The following POLN variants were observed in gnomAD, a reference collection of about 807,000 sequenced individuals.
The protein encoded by POLN is DNA polymerase nu, also known as DNA polymerase N.
Under a neutral mutation model 113.5 loss-of-function variants are expected in POLN, and 108 were observed. The observed-to-expected ratio is 0.95, with a 90% CI of 0.81 to 1.12. The LOEUF (loss-of-function observed/expected upper bound fraction) is 1.12, where lower values mean the gene tolerates loss of function less well. POLN is among the 50% of genes most tolerant of loss of function. The pLI is 0.00. For synonymous variants in POLN, 386 were observed against 391.5 expected (o/e 0.99, Z 0.17); for missense variants, 1,097 against 1,077.1 (o/e 1.02, Z -0.26).
chr4:2,080,710 G>T, intron 23 of POLN: 2 of 1,394,064 alleles, frequency 1.4e-6, no homozygotes, highest in East Asian at 5.5e-5. Context: ...CGAGGAGGAG[G>T]GGTCTGGGGG....
chr4:2,072,062 C>T lies in POLN; in HGVS notation c.*52G>A. The stretch of plus-strand genomic sequence containing the variant: ...ACAGAGCTGGTGACCTTGGGGAAGG[C>T]CACACAATGGACTGCTGGAAACCAG... On this transcript the variant is annotated 3_prime_UTR_variant, in exon 26 of 26. Transcript: ENST00000511885. 1.3e-6 allele frequency: 2 copies of T among 1,587,662 alleles called. No individual in the cohort carries two copies. Among genetic ancestry groups the T allele is most frequent in the Non-Finnish European group, 1.7e-6 (2 of 1,156,830 alleles).
At chr4:2,209,723 A>G (rs1378497247) in intron 4 of POLN, among the ~76,000 whole-genome samples, 1 of 130,996 alleles carries the variant, frequency 7.6e-6, no homozygotes, top group Non-Finnish European at 1.5e-5. Context: ...GTGCAGTGGC[A>G]CAATCTCAGC....
chr4:2,237,243 C>T (rs1225104188), intron 2 of POLN, among the ~76,000 whole-genome samples: 2 of 151,298 alleles, frequency 1.3e-5, no homozygotes, highest in Non-Finnish European at 2.9e-5. Flanking sequence ...CCAGACTTGG[C>T]AACATATTGA....
intron 7 of POLN, among the ~76,000 whole-genome samples, chr4:2,190,714 T>A (rs2108755885): frequency 6.6e-6 from 1 of 152,224 alleles, no homozygotes. Flanking sequence ...GGCAAATGAT[T>A]TGAATAGACA....
chr4:2,089,019 C>A, intron 20 of POLN: 1 of 880,296 alleles, frequency 1.1e-6, no homozygotes. Context: ...TTATCCTTAG[C>A]AAAATTGGAT....
rs1440263100 is a variant in POLN at position 2,208,370 on chromosome 4, A to G, written c.331T>C (p.Ser111Pro). Residue 111 changes from serine (S) to proline (P), a missense_variant, in exon 5 of 26, where the codon TCA (serine) becomes CCA (proline). By Grantham distance (74) the Ser-to-Pro change is moderately conservative. Transcript: ENST00000511885. ...SADQKQKSIS[S>P]LTLSSCLIPQ... is the part of the protein sequence containing the mutation. ...ATTAAACAACTTGAAAGAGTCAATG[A>G]GCTGATGCTCTTCTGTTTTTGGTCA... The G allele has an allele frequency of 6.2e-7, 1 of 1,613,600 alleles. No homozygotes were observed. The highest frequency in any genetic ancestry group is 1.7e-5 in the Admixed American group (1 of 59,956).
intron 3 of POLN, among the ~76,000 whole-genome samples, chr4:2,216,289 A>G (rs574047156): frequency 7.2e-5 from 11 of 152,356 alleles, no homozygotes; most frequent in African/African-American, 2.4e-4. Flanking sequence ...TTAAACCTTA[A>G]GAACCCAGAG....
chr4:2,174,824 C>CA, intron 9 of POLN, 73 bp from the exon 10 acceptor site: 2 of 831,740 alleles, frequency 2.4e-6, no homozygotes, highest in Non-Finnish European at 3.6e-6. Context: ...GAAAAGCCTA[C>CA]TTTTTTTTTT....
At chr4:2,164,856 A>C (rs1732691779) in intron 13 of POLN, among the ~76,000 whole-genome samples, 1 of 150,198 alleles carries the variant, frequency 6.7e-6, no homozygotes, top group Non-Finnish European at 1.5e-5. Flanking sequence ...TGATCTTATA[A>C]AAACATACCC....
At position 2,091,761 on chromosome 4, in the gene POLN, C is replaced by CTGTGTGTG. The variant is rs765518897; in HGVS notation, c.2065+4082_2065+4089dup. On this transcript the variant is annotated intron_variant, in intron 20 of 25. Coordinates refer to ENST00000511885, the MANE Select transcript of POLN (RefSeq NM_181808.4). ...CCCTATCCGGTGGGTACACGTGAATCTGTGTGTGTGTGTGTGTGTGTGTGT... is the reference window on the plus strand; with the variant it reads ...CCCTATCCGGTGGGTACACGTGAATCTGTGTGTGTGTGTGTGTGTGTGTGTGTGTGTGT... Among the ~76,000 whole-genome samples, 1,076 of 145,166 alleles carry CTGTGTGTG rather than the reference C, an allele frequency of 7.4e-3. 12 individuals carry two copies. Among genetic ancestry groups the CTGTGTGTG allele is most frequent in the South Asian group, 0.014 (60 of 4,374 alleles).
At chr4:2,118,947 T>C (rs1369492250) in intron 19 of POLN, among the ~76,000 whole-genome samples, 1 of 152,232 alleles carries the variant, frequency 6.6e-6, no homozygotes, top group Non-Finnish European at 1.5e-5. Context: ...AAGTCTTGCT[T>C]AGGAGTGACA....
intron 16 of POLN, among the ~76,000 whole-genome samples, chr4:2,133,913 T>C (rs981474610): frequency 6.6e-6 from 1 of 152,374 alleles, no homozygotes; most frequent in Admixed American, 6.5e-5. Context: ...CTATTGGTTT[T>C]GACAAATGCA....
intron 2 of POLN, among the ~76,000 whole-genome samples, chr4:2,232,804 A>T (rs1734631106): frequency 6.6e-6 from 1 of 152,170 alleles, no homozygotes; most frequent in Non-Finnish European, 1.5e-5. Context: ...GATTATTAAC[A>T]AGTTTCCATA....
chr4:2,159,227 G>A lies in POLN; in HGVS notation c.1555-16C>T. On this transcript the variant is annotated splice_polypyrimidine_tract_variant and intron_variant, in intron 13 of 25. Transcript: ENST00000511885. ...GAGCATTTAACTAAACATGAAAATA[G>A]ATACTACCAATGTAATTCGTCCATT... is the stretch of plus-strand genomic sequence containing the variant. 6.3e-7 allele frequency: 1 copy of A among 1,576,640 alleles called. No homozygotes were observed. Among genetic ancestry groups the A allele is most frequent in the Non-Finnish European group, 8.7e-7 (1 of 1,149,314 alleles).
At chr4:2,166,532 C>T (rs1434178462) in intron 13 of POLN, among the ~76,000 whole-genome samples, 1 of 152,070 alleles carries the variant, frequency 6.6e-6, no homozygotes, top group Non-Finnish European at 1.5e-5. Context: ...TGTGTCTGTG[C>T]GAGTGTTTCC....
intron 19 of POLN, among the ~76,000 whole-genome samples, chr4:2,112,649 T>G (rs1490524466): frequency 6.6e-6 from 1 of 152,212 alleles, no homozygotes; most frequent in Non-Finnish European, 1.5e-5. Context: ...TCATCATCAC[T>G]GGCCATCAGA....
chr4:2,108,599 C>A (rs562939123), intron 19 of POLN, among the ~76,000 whole-genome samples: 1 of 152,150 alleles, frequency 6.6e-6, no homozygotes, highest in African/African-American at 2.4e-5. Context: ...AAATTAAACA[C>A]GCATTGCATC....
At chr4:2,204,903 A>G (rs1733806759) in intron 5 of POLN, among the ~76,000 whole-genome samples, 1 of 152,222 alleles carries the variant, frequency 6.6e-6, no homozygotes, top group Non-Finnish European at 1.5e-5. Flanking sequence ...CTTTATTATT[A>G]AAACTCTCAG....
At chr4:2,129,297 G>T in intron 17 of POLN, 41 bp from the exon 18 acceptor site, 1 of 1,260,544 alleles carries the variant, frequency 7.9e-7, no homozygotes, top group Non-Finnish European at 1.2e-6. Context: ...ATTTGGTCAT[G>T]AACTGATGCA....
Sources: gnomAD v4.1 joint callset for allele counts (sites outside exome capture counted in the v4.1 genomes callset) on GRCh38, gnomAD v4.1.1 for gene constraint, MANE v1.5 for transcripts, NCBI Gene and HGNC (gene_info 2026-07-23, HGNC 2026-07-21) for gene names.